The following COL23A1 variants were observed in gnomAD, a reference collection of about 807,000 sequenced individuals.
COL23A1 encodes collagen type XXIII alpha 1 chain.
Under a neutral mutation model 99.3 loss-of-function variants are expected in COL23A1, and 97 were observed. The observed-to-expected ratio is 0.98, with a 90% confidence interval of 0.83 to 1.16. The LOEUF (loss-of-function observed/expected upper bound fraction) is 1.16. Ranked by LOEUF, COL23A1 falls within the 50% of genes most tolerant of loss-of-function variation. The probability of loss-of-function intolerance (pLI) is 0.00; values close to 1 mark genes in which losing one functional copy is unlikely to be tolerated. For missense variants in COL23A1, 762 were observed against 757.4 expected (o/e 1.01, Z -0.07); for synonymous variants, 320 against 308.2 (o/e 1.04, Z -0.40).
In COL23A1 at chr5:178,347,417, G is replaced by A. The variant is rs370092972; in HGVS notation, c.362-40498C>T. 1.4e-3 allele frequency among the ~76,000 whole-genome samples: 218 copies of A among 151,676 alleles called. 5 individuals carry two copies. In the South Asian group the frequency reaches 0.038, roughly 27 times the overall value. ...GACACGGGGATGCCAGAGCCTGGGG[G>A]ACGGGCATGGGGGGAGGGGTATGGG... On this transcript the variant is annotated intron_variant, in intron 2 of 28. Transcript: ENST00000390654.
intron 2 of COL23A1, among the ~76,000 whole-genome samples, chr5:178,517,914 T>C (rs1759644280): frequency 7.2e-6 from 1 of 138,962 alleles, no homozygotes; most frequent in South Asian, 2.4e-4. Flanking sequence ...ATTTATTTTT[T>C]TATTGATAAT....
At position 178,308,878 on chromosome 5, in the gene COL23A1, G is replaced by C. The variant is rs73344837; in HGVS notation, c.362-1959C>G. On this transcript the variant is annotated intron_variant, in intron 2 of 28. Transcript: ENST00000390654. This position sits in a 1 kb window ranked among gnomAD's most constrained non-coding sequence, Gnocchi z 5.1. The stretch of plus-strand genomic sequence containing the variant: ...CCTGTTTTCAATGAGAGCGAGGTAC[G>C]GGAACGGGAGCCCCCCGGCACACGC... Among the ~76,000 whole-genome samples, 4,238 of 152,252 alleles carry C rather than the reference G, an allele frequency of 0.028. 197 individuals are homozygous for C. The highest frequency in any genetic ancestry group is 0.097 in the African/African-American group (4,015 of 41,534).
chr5:178,576,298 G>A (rs993635368), intron 1 of COL23A1, among the ~76,000 whole-genome samples: 2 of 152,152 alleles, frequency 1.3e-5, no homozygotes, highest in African/African-American at 4.8e-5. Context: ...GAGTCCAGTG[G>A]CATGATGTTA....
chr5:178,311,116 C>A (rs1480492941), intron 2 of COL23A1, among the ~76,000 whole-genome samples: 1 of 152,180 alleles, frequency 6.6e-6, no homozygotes, highest in African/African-American at 2.4e-5. Flanking sequence ...TAGGGGCTGG[C>A]TGCTGGGGAA....
At chr5:178,580,054 A>G (rs1477498792) in intron 1 of COL23A1, among the ~76,000 whole-genome samples, 1 of 151,828 alleles carries the variant, frequency 6.6e-6, no homozygotes. Flanking sequence ...GAGGCCGGGC[A>G]TGGTGGCTCA....
intron 17 of COL23A1, among the ~76,000 whole-genome samples, chr5:178,250,346 A>G (rs1035344735): frequency 6.6e-6 from 1 of 152,220 alleles, no homozygotes; most frequent in African/African-American, 2.4e-5. Context: ...TGGAGGGTTA[A>G]GTGACTTGCT....
At chr5:178,565,212 C>CTGT (rs1230531753) in intron 1 of COL23A1, among the ~76,000 whole-genome samples, 2 of 152,200 alleles carry the variant, frequency 1.3e-5, no homozygotes, top group East Asian at 3.8e-4. Context: ...TCTTTCTGGG[C>CTGT]TGTTGTGATA....
At chr5:178,265,446 G>A (rs1369234075) in intron 8 of COL23A1, among the ~76,000 whole-genome samples, 1 of 152,186 alleles carries the variant, frequency 6.6e-6, no homozygotes, top group Non-Finnish European at 1.5e-5. Context: ...CTCAGGCTGG[G>A]AACTACTGGC....
At chr5:178,288,444 C>T (rs1287149107) in intron 4 of COL23A1, 94 bp from the exon 5 acceptor site, 2 of 1,066,530 alleles carry the variant, frequency 1.9e-6, no homozygotes, top group African/African-American at 3.1e-5. Context: ...CCACACCCGC[C>T]CCCCGACAGC....
At chr5:178,269,348 CACCCACCCACCCATCCACCCACCCATCT>C (rs1178574705) in intron 6 of COL23A1, among the ~76,000 whole-genome samples, 30 of 49,442 alleles carry the variant, frequency 6.1e-4, no homozygotes, top group Non-Finnish European at 1.5e-3. Flanking sequence ...TCCATCCATC[CACCCACCCACCCATCCACCCACCCATCT>C]ATCCATCCAT....
At chr5:178,475,991 C>T (rs1448545943) in intron 2 of COL23A1, among the ~76,000 whole-genome samples, 1 of 152,188 alleles carries the variant, frequency 6.6e-6, no homozygotes, top group Non-Finnish European at 1.5e-5. Context: ...TCAGAATAAT[C>T]CCCCTTTCGG....
intron 2 of COL23A1, among the ~76,000 whole-genome samples, chr5:178,495,646 G>T (rs1758157950): frequency 6.6e-6 from 1 of 152,102 alleles, no homozygotes; most frequent in Non-Finnish European, 1.5e-5. Flanking sequence ...AGGGATGGAA[G>T]AAGCTGGTCA....
intron 2 of COL23A1, among the ~76,000 whole-genome samples, chr5:178,472,527 CA>C (rs1756809561): frequency 6.6e-6 from 1 of 152,114 alleles, no homozygotes; most frequent in Admixed American, 6.5e-5. Context: ...ATGGCTTATA[CA>C]TTATGAAAGG....
intron 2 of COL23A1, among the ~76,000 whole-genome samples, chr5:178,499,995 T>C (rs72808893): frequency 4.1e-4 from 63 of 152,330 alleles, no homozygotes; most frequent in Non-Finnish European, 7.3e-4. Flanking sequence ...CATAGACTTC[T>C]TGGAAGCCCA....
At chr5:178,515,190 G>A (rs1157080984) in intron 2 of COL23A1, among the ~76,000 whole-genome samples, 1 of 152,222 alleles carries the variant, frequency 6.6e-6, no homozygotes, top group Non-Finnish European at 1.5e-5. Flanking sequence ...CTGCTACAGA[G>A]GACTTTCCCT....
At position 178,434,983 on chromosome 5, in the gene COL23A1, C is replaced by T. The variant is rs563217174; in HGVS notation, c.361+125699G>A. 3.0e-4 allele frequency among the ~76,000 whole-genome samples: 45 copies of T among 152,234 alleles called. No individual in the cohort carries two copies. The highest frequency in any genetic ancestry group is 7.8e-4 in the Admixed American group (12 of 15,296). On this transcript the variant is annotated intron_variant, in intron 2 of 28. Transcript: ENST00000390654. This position sits in a 1 kb window ranked among gnomAD's most constrained non-coding sequence, Gnocchi z 4.3. ...GGGCCTCTGCTGCAAGGGAGGGGGT[C>T]GGCACCCGTCCAGCACCGCTCGCTC...
At chr5:178,369,261 T>TG (rs768351316) in intron 2 of COL23A1, among the ~76,000 whole-genome samples, 5 of 151,992 alleles carry the variant, frequency 3.3e-5, no homozygotes, top group African/African-American at 7.2e-5. Context: ...CCTGGAGAGA[T>TG]GAAGTGTTCC....
intron 1 of COL23A1, chr5:178,562,286 G>C (rs1762607295): frequency 6.7e-6 from 2 of 296,394 alleles, no homozygotes; most frequent in Non-Finnish European, 1.3e-5. Context: ...CGCGGGCCGG[G>C]CACAGTGGCT....
chr5:178,536,885 C>G (rs1299417614), intron 2 of COL23A1, among the ~76,000 whole-genome samples: 1 of 152,126 alleles, frequency 6.6e-6, no homozygotes, highest in East Asian at 1.9e-4. Context: ...GAGCCCTCCG[C>G]CCCAGGCCCT....
Sources: gnomAD v4.1 joint callset for allele counts (sites outside exome capture counted in the v4.1 genomes callset) on GRCh38, gnomAD v4.1.1 for gene constraint, Gnocchi (gnomAD v3.1) non-coding constraint, MANE v1.5 for transcripts, NCBI Gene and HGNC (gene_info 2026-07-23, HGNC 2026-07-21) for gene names.